The following FIGLA variants were observed in gnomAD, a reference collection of about 807,000 sequenced individuals.
The protein encoded by FIGLA is folliculogenesis specific bHLH transcription factor, also known as factor in the germline alpha.
A neutral mutation model predicts 21.5 loss-of-function variants in FIGLA; 17 were observed. The observed-to-expected ratio is 0.79, with a 90% CI of 0.54 to 1.19. The LOEUF (loss-of-function observed/expected upper bound fraction) is 1.19. FIGLA is among the 50% of genes most tolerant of loss of function. The probability of loss-of-function intolerance (pLI) is 0.00; values close to 1 mark genes in which losing one functional copy is unlikely to be tolerated. For missense variants in FIGLA, 282 were observed against 285.0 expected, an observed-to-expected ratio of 0.99 and a Z score of 0.08; for synonymous variants, 129 against 117.6, an observed-to-expected ratio of 1.10 and a Z score of -0.63.
chr2:70,782,652 C>T (rs1157310859), intron 3 of FIGLA, among the ~76,000 whole-genome samples: 1 of 152,260 alleles, frequency 6.6e-6, no homozygotes, highest in Non-Finnish European at 1.5e-5. Context: ...GAAATGTACA[C>T]TGAAGCCTTA....
At chr2:70,790,366 C>T (rs1676038529) in intron 1 of FIGLA, 42 bp downstream of exon 1, 2 of 1,480,604 alleles carry the variant, frequency 1.4e-6, no homozygotes, top group Non-Finnish European at 1.8e-6. Flanking sequence ...GGTGGTAGAG[C>T]AGGGAAGGGG....
chr2:70,777,773 A>G (rs781955268), intron 3 of FIGLA, 102 bp from the exon 4 acceptor site: 7 of 577,410 alleles, frequency 1.2e-5, no homozygotes, highest in Non-Finnish European at 2.1e-5. Context: ...CAGTAAAAAA[A>G]TTGTCCCACC....
chr2:70,790,597 C>A lies in FIGLA; in HGVS notation c.42G>T (p.Pro14=), dbSNP rs1676044313. ...APGVLDPRAA[P]PALLGTPQAE... is the part of the protein sequence containing the mutation. ...CTTGCGGGGTGCCCAGGAGCGCGGG[C>A]GGCGCGGCGCGGGGATCTAGGACGC... Residue 14 remains proline, a synonymous_variant, in exon 1 of 5, where the codon CCG becomes CCT. Transcript: ENST00000332372. 2 of 1,471,352 alleles carry A rather than the reference C, an allele frequency of 1.4e-6. No homozygotes were observed. 91.1% of individuals were successfully genotyped at this position (1,471,352 alleles called of 1,614,324 possible). A position where few individuals can be genotyped will look rare whatever the true frequency, so the allele number is the denominator to read the frequency against.
Position 70,790,482 on chromosome 2 carries a change from C to A in FIGLA, c.157G>T (p.Gly53Cys). Residue 53 changes from glycine (G) to cysteine (C), a missense_variant, in exon 1 of 5, where the codon GGC becomes TGC. Transcript: ENST00000332372. ...TGGAGGTTTTCAGTGGACGAGTAGC[C>A]GCCCGAGGGCAGCCGCTTGAGCCGG... The part of the protein sequence containing the change: ...VCRLKRLPSG[G>C]YSSTENLQLV... The A allele has an allele frequency of 6.5e-7, 1 of 1,544,228 alleles. No individual in the cohort carries two copies. The highest frequency in any genetic ancestry group is 8.7e-7 in the Non-Finnish European group (1 of 1,146,198).
intron 3 of FIGLA, among the ~76,000 whole-genome samples, chr2:70,780,607 A>G (rs1675836933): frequency 6.6e-6 from 1 of 152,214 alleles, no homozygotes; most frequent in Non-Finnish European, 1.5e-5. Context: ...AATAAAGGTG[A>G]TATTGAATAA....
intron 3 of FIGLA, among the ~76,000 whole-genome samples, chr2:70,781,586 T>A (rs782361884): frequency 6.6e-6 from 1 of 152,166 alleles, no homozygotes; most frequent in Non-Finnish European, 1.5e-5. Flanking sequence ...CTGTGGTACA[T>A]CCACACCACA....
At chr2:70,787,096 C>A (rs1675970248) in intron 2 of FIGLA, among the ~76,000 whole-genome samples, 1 of 152,190 alleles carries the variant, frequency 6.6e-6, no homozygotes, top group Non-Finnish European at 1.5e-5. Context: ...CATTATGATA[C>A]TTCACAGTTT....
At chr2:70,782,965 GGA>G (rs1479424305) in intron 3 of FIGLA, among the ~76,000 whole-genome samples, 6 of 151,756 alleles carry the variant, frequency 4.0e-5, no homozygotes, top group Admixed American at 1.3e-4. Context: ...GGCTGAGGCA[GGA>G]GAGTTACTTG....
At chr2:70,788,786 A>G (rs1676003795) in intron 1 of FIGLA, among the ~76,000 whole-genome samples, 1 of 152,240 alleles carries the variant, frequency 6.6e-6, no homozygotes, top group Non-Finnish European at 1.5e-5. Flanking sequence ...GATAGCTTGA[A>G]AAAGAGAACA....
intron 2 of FIGLA, 38 bp downstream of exon 2, chr2:70,787,611 A>AT (rs1553390207): frequency 1.3e-6 from 2 of 1,542,116 alleles, no homozygotes; most frequent in Non-Finnish European, 8.8e-7. Context: ...GGCCTAATAA[A>AT]TGGTGGCTAT....
At chr2:70,790,104 G>C (rs1558600322) in intron 1 of FIGLA, among the ~76,000 whole-genome samples, 2 of 152,200 alleles carry the variant, frequency 1.3e-5, no homozygotes, top group African/African-American at 2.4e-5. Context: ...ACCTGCCCAG[G>C]GAGACATTTT....
intron 1 of FIGLA, among the ~76,000 whole-genome samples, chr2:70,789,971 T>C (rs1342221516): frequency 1.3e-5 from 2 of 152,166 alleles, no homozygotes; most frequent in African/African-American, 4.8e-5. Context: ...TCGTGTGTGC[T>C]TCGAGGCCGA....
intron 3 of FIGLA, among the ~76,000 whole-genome samples, chr2:70,779,513 G>C (rs1344177010): frequency 6.6e-6 from 1 of 152,128 alleles, no homozygotes; most frequent in Non-Finnish European, 1.5e-5. Context: ...TCATTTCAGA[G>C]CTTAAAATGC....
At position 70,790,277 on chromosome 2, in the gene FIGLA, G is replaced by A. The variant is rs1553390641; in HGVS notation, c.231+131C>T. On this transcript the variant is annotated intron_variant, in intron 1 of 4. Coordinates refer to ENST00000332372, the MANE Select transcript of FIGLA (RefSeq NM_001004311.3). ...GCCATTCTCCTGACAAGCTGGGGGC[G>A]TGGGAGGCCTCGGGAGCTCGAAGTC... The A allele has an allele frequency of 6.5e-5, 54 of 828,612 alleles. 1 individual carries two copies. The highest frequency in any genetic ancestry group is 1.2e-5 in the Non-Finnish European group (7 of 565,348). The allele number at this position is 828,612 out of a possible 1,614,324, so 51.3% of individuals were successfully genotyped here.
intron 3 of FIGLA, among the ~76,000 whole-genome samples, chr2:70,778,679 G>A (rs113685274): frequency 6.6e-6 from 1 of 152,076 alleles, no homozygotes; most frequent in Non-Finnish European, 1.5e-5. Flanking sequence ...TATGAGAATA[G>A]AAAAACTTGC....
At position 70,790,536 on chromosome 2, in the gene FIGLA, C is replaced by T; in HGVS notation, c.103G>A (p.Gly35Arg). The T allele has an allele frequency of 6.5e-7, 1 of 1,536,308 alleles. No homozygotes were observed. The highest frequency in any genetic ancestry group is 2.0e-5 in the Admixed American group (1 of 50,788). Residue 35 changes from glycine (G) to arginine (R), a missense_variant, in exon 1 of 5, where the codon GGG (glycine) becomes AGG (arginine). By Grantham distance (125) the Gly-to-Arg change is moderately radical (BLOSUM62 -2). Coordinates refer to ENST00000332372, the MANE Select transcript of FIGLA (RefSeq NM_001004311.3). ...VLEDVLREQF[G>R]PLPQLAAVCR... Reference sequence around the variant, plus strand: ...ACAGCGGCCAGCTGGGGCAGCGGCCCGAACTGCTCCCGCAACACGTCCTCC... The same window carrying T: ...ACAGCGGCCAGCTGGGGCAGCGGCCTGAACTGCTCCCGCAACACGTCCTCC...
chr2:70,787,255 G>A (rs1675972725), intron 2 of FIGLA, among the ~76,000 whole-genome samples: 1 of 152,176 alleles, frequency 6.6e-6, no homozygotes, highest in African/African-American at 2.4e-5. Flanking sequence ...CTTCCTTCCT[G>A]TGTCCTGTCT....
chr2:70,788,019 G>A (rs782808785), intron 1 of FIGLA, among the ~76,000 whole-genome samples: 2 of 152,188 alleles, frequency 1.3e-5, no homozygotes, highest in Non-Finnish European at 2.9e-5. Flanking sequence ...GGGCTGCAAG[G>A]TGTGTTCATG....
chr2:70,783,005 T>C lies in FIGLA; in HGVS notation c.609+2410A>G, dbSNP rs533041600. ...CCCGGGAGGCGGAGGTTGCAGTGAG[T>C]CGAGATGGTGCCACTGCACTCCAGC... On this transcript the variant is annotated intron_variant, in intron 3 of 4. Transcript: ENST00000332372. Among the ~76,000 whole-genome samples, 249 of 146,320 alleles carry C rather than the reference T, an allele frequency of 1.7e-3. 2 individuals carry two copies. The highest frequency in any genetic ancestry group is 7.4e-3 in the Middle Eastern group (2 of 272).
Sources: gnomAD v4.1 joint callset for allele counts (sites outside exome capture counted in the v4.1 genomes callset) on GRCh38, gnomAD v4.1.1 for gene constraint, MANE v1.5 for transcripts, NCBI Gene and HGNC (gene_info 2026-07-23, HGNC 2026-07-21) for gene names.